The following CDH18 variants were observed in gnomAD, a reference collection of about 807,000 sequenced individuals.
CDH18 encodes cadherin-18.
A neutral mutation model predicts 67.9 loss-of-function variants in CDH18; 31 were observed. That is an observed-to-expected ratio of 0.46 (90% confidence interval 0.34 to 0.62). CDH18 has a LOEUF of 0.62. Ranked by LOEUF, CDH18 falls within the 20% of genes least tolerant of loss-of-function variation. The pLI, the probability that CDH18 is intolerant of heterozygous loss-of-function variation, is 0.01. For missense variants in CDH18, 890 were observed against 975.5 expected, an observed-to-expected ratio of 0.91 and a Z score of 1.17; for synonymous variants, 362 against 347.2, an observed-to-expected ratio of 1.04 and a Z score of -0.48.
intron 2 of CDH18, among the ~76,000 whole-genome samples, chr5:19,915,230 C>T (rs1230501307): frequency 6.6e-6 from 1 of 152,046 alleles, no homozygotes; most frequent in African/African-American, 2.4e-5. Context: ...TACTCCTTCC[C>T]AGTTCGTTTC....
At chr5:20,350,268 C>T (rs1741058292) in intron 1 of CDH18, among the ~76,000 whole-genome samples, 2 of 151,850 alleles carry the variant, frequency 1.3e-5, no homozygotes, top group South Asian at 4.2e-4. Flanking sequence ...CAATGGAAAA[C>T]AATAAAAACA....
intron 5 of CDH18, among the ~76,000 whole-genome samples, chr5:19,653,656 C>T (rs1056655731): frequency 6.6e-6 from 1 of 152,088 alleles, no homozygotes; most frequent in Non-Finnish European, 1.5e-5. Context: ...AGAGAAAGAT[C>T]CCCCCAGGCC....
At chr5:19,584,143 G>A (rs905708809) in intron 7 of CDH18, among the ~76,000 whole-genome samples, 128 of 152,336 alleles carry the variant, frequency 8.4e-4, no homozygotes, top group African/African-American at 2.9e-3. Context: ...TCAGAGGAAA[G>A]AGAGTACATC....
chr5:20,099,285 G>A (rs904252613), intron 2 of CDH18, among the ~76,000 whole-genome samples: 19 of 152,110 alleles, frequency 1.2e-4, no homozygotes, highest in Non-Finnish European at 1.5e-5. Context: ...TAACAATCCT[G>A]GCTTCTAAGA....
intron 4 of CDH18, 71 bp from the exon 5 acceptor site, chr5:19,721,537 T>C (rs894432601): frequency 2.1e-6 from 3 of 1,439,812 alleles, no homozygotes; most frequent in African/African-American, 1.4e-5. Context: ...ACACAGAAAA[T>C]GGGTATGCTG....
intron 2 of CDH18, among the ~76,000 whole-genome samples, chr5:20,242,620 A>ACATATATATATATATACATATG (rs1554106663): frequency 1.5e-5 from 1 of 68,880 alleles, no homozygotes. Context: ...AAATATATAT[A>ACATATATATATATATACATATG]TATATATATA....
chr5:20,125,359 T>C (rs538251745), intron 2 of CDH18, among the ~76,000 whole-genome samples: 9 of 152,116 alleles, frequency 5.9e-5, no homozygotes, highest in South Asian at 2.1e-4. Flanking sequence ...TGAAAAAATT[T>C]TGAAGTTGAC....
At chr5:20,395,014 T>A (rs1030194825) in intron 1 of CDH18, among the ~76,000 whole-genome samples, 1 of 152,160 alleles carries the variant, frequency 6.6e-6, no homozygotes, top group Non-Finnish European at 1.5e-5. Context: ...AGTACAGCAT[T>A]TGTGGAAAAC....
At chr5:20,189,749 G>A (rs948736539) in intron 2 of CDH18, among the ~76,000 whole-genome samples, 4 of 152,128 alleles carry the variant, frequency 2.6e-5, no homozygotes, top group Admixed American at 6.5e-5. Context: ...AACCATGTCC[G>A]GTGTTGAATT....
At chr5:20,251,036 T>C (rs1743821265) in intron 2 of CDH18, among the ~76,000 whole-genome samples, 1 of 152,170 alleles carries the variant, frequency 6.6e-6, no homozygotes, top group Admixed American at 6.5e-5. Flanking sequence ...AACTGAGCGG[T>C]AACTGAGCTT....
intron 9 of CDH18, among the ~76,000 whole-genome samples, chr5:19,528,164 T>A (rs1277437727): frequency 1.3e-5 from 2 of 151,814 alleles, no homozygotes; most frequent in Admixed American, 1.3e-4. Context: ...ACATTTATTT[T>A]CTACTTTTTG....
At chr5:19,864,926 C>T (rs954201436) in intron 2 of CDH18, among the ~76,000 whole-genome samples, 1 of 152,170 alleles carries the variant, frequency 6.6e-6, no homozygotes, top group Non-Finnish European at 1.5e-5. Context: ...AATGAGGAAA[C>T]ATTAACTGAT....
At chr5:19,737,746 C>T (rs368086179) in intron 4 of CDH18, among the ~76,000 whole-genome samples, 19 of 152,086 alleles carry the variant, frequency 1.2e-4, no homozygotes, top group East Asian at 9.7e-4. Context: ...GTAATTTCAG[C>T]ATTTGCTTAA....
At chr5:20,193,543 C>G (rs1738713691) in intron 2 of CDH18, among the ~76,000 whole-genome samples, 1 of 152,072 alleles carries the variant, frequency 6.6e-6, no homozygotes, top group Non-Finnish European at 1.5e-5. Context: ...TGAAACTATT[C>G]CAAACAATTT....
intron 2 of CDH18, among the ~76,000 whole-genome samples, chr5:19,885,864 T>G (rs12516939): frequency 6.6e-6 from 1 of 151,982 alleles, no homozygotes; most frequent in Non-Finnish European, 1.5e-5. Context: ...GGAATGTGTT[T>G]ACAATTTCTT....
intron 9 of CDH18, among the ~76,000 whole-genome samples, chr5:19,535,715 A>G (rs1037479954): frequency 1.3e-5 from 2 of 152,180 alleles, no homozygotes; most frequent in Non-Finnish European, 2.9e-5. Flanking sequence ...GTGGACTCTT[A>G]TGTCCACAAG....
chr5:19,503,013 A>G lies in CDH18; in HGVS notation c.1609T>C (p.Phe537Leu). ...TCACCTTCATTGTCCTTCAGAGTGA[A>G]GTTTGGATTTACAGGCAGGCGTTCA... is the stretch of plus-strand genomic sequence containing the variant. ...LDERLPVNPN[F>L]TLKDNEDNTA... Residue 537 changes from phenylalanine to leucine, a missense_variant, in exon 11 of 13, where the codon TTC becomes CTC. Phe to Leu is a conservative substitution (Grantham distance 22). Coordinates refer to ENST00000382275, the MANE Select transcript of CDH18 (RefSeq NM_004934.5). The G allele has an allele frequency of 1.2e-6, 2 of 1,604,500 alleles. No homozygotes were observed. Among genetic ancestry groups the G allele is most frequent in the Non-Finnish European group, 1.7e-6 (2 of 1,171,448 alleles).
chr5:19,977,983 T>C (rs1247789507), intron 2 of CDH18, among the ~76,000 whole-genome samples: 1 of 152,134 alleles, frequency 6.6e-6, no homozygotes, highest in South Asian at 2.1e-4. Flanking sequence ...CTTTTTTTAA[T>C]GACATTGTGC....
At chr5:19,943,204 G>A (rs952327677) in intron 2 of CDH18, among the ~76,000 whole-genome samples, 1 of 152,064 alleles carries the variant, frequency 6.6e-6, no homozygotes, top group Non-Finnish European at 1.5e-5. Context: ...TTGTTTGGGG[G>A]GGTAAGAAAA....
Sources: allele counts gnomAD v4.1 joint callset (sites outside exome capture counted in the v4.1 genomes callset), GRCh38; gene constraint gnomAD v4.1.1; transcripts MANE v1.5; gene names NCBI Gene and HGNC (gene_info 2026-07-23, HGNC 2026-07-21).